Variants in CADM2 observed in about 807,000 individuals in gnomAD.
CADM2 encodes the protein immunoglobulin superfamily member 4D.
In CADM2, 12 loss-of-function variants were observed where a neutral mutation model predicts 49.8. The ratio of observed to expected loss-of-function variants is 0.24; its 90% CI spans 0.15 to 0.39. The LOEUF (loss-of-function observed/expected upper bound fraction) is 0.39. Ranked by LOEUF, CADM2 falls within the 10% of genes least tolerant of loss-of-function variation. The pLI is 1.00. For synonymous variants in CADM2, 214 were observed against 175.4 expected (o/e 1.22, Z -1.74); for missense variants, 378 against 492.3 (o/e 0.77, Z 2.20).
chr3:85,099,090 A>G (rs1396165065), intron 1 of CADM2, among the ~76,000 whole-genome samples: 1 of 152,176 alleles, frequency 6.6e-6, no homozygotes, highest in Non-Finnish European at 1.5e-5. Context: ...TGTATACACC[A>G]TTTTTATCCT....
chr3:85,646,719 C>T (rs979185142), intron 1 of CADM2, among the ~76,000 whole-genome samples: 8 of 151,844 alleles, frequency 5.3e-5, no homozygotes, highest in Admixed American at 3.3e-4. Context: ...CTTCTCAAAT[C>T]GCAGCATAGA....
At chr3:85,620,017 T>C (rs1559947369) in intron 1 of CADM2, among the ~76,000 whole-genome samples, 1 of 152,178 alleles carries the variant, frequency 6.6e-6, no homozygotes, top group Non-Finnish European at 1.5e-5. Flanking sequence ...GTGATAGTTA[T>C]GCTCAAAACA....
At chr3:85,650,394 T>C (rs1023652340) in intron 1 of CADM2, among the ~76,000 whole-genome samples, 5 of 152,012 alleles carry the variant, frequency 3.3e-5, no homozygotes, top group African/African-American at 9.7e-5. Flanking sequence ...CGTGATATCA[T>C]ATTAAATGAA....
intron 1 of CADM2, among the ~76,000 whole-genome samples, chr3:85,631,795 A>G (rs2064316919): frequency 1.3e-5 from 2 of 152,240 alleles, no homozygotes; most frequent in African/African-American, 4.8e-5. Flanking sequence ...AGGCTTTGGA[A>G]CAATCAATAT....
intron 7 of CADM2, among the ~76,000 whole-genome samples, chr3:85,940,020 CA>C (rs1721670368): frequency 1.4e-5 from 1 of 70,904 alleles, no homozygotes. Context: ...TTTTTAACAA[CA>C]ACAAAAAAAA....
chr3:85,416,360 T>A (rs1313127866), intron 1 of CADM2, among the ~76,000 whole-genome samples: 1 of 152,122 alleles, frequency 6.6e-6, no homozygotes, highest in Non-Finnish European at 1.5e-5. Context: ...AATAACAAGA[T>A]CTTTTAGTTA....
intron 3 of CADM2, among the ~76,000 whole-genome samples, chr3:85,839,529 C>T (rs1559693721): frequency 4.6e-5 from 7 of 151,766 alleles, no homozygotes; most frequent in Non-Finnish European, 1.5e-5. Context: ...ACTAGCTACT[C>T]TGCTGCCTAC....
intron 1 of CADM2, among the ~76,000 whole-genome samples, chr3:85,339,279 A>T (rs2107185789): frequency 6.6e-6 from 1 of 151,668 alleles, no homozygotes; most frequent in African/African-American, 2.4e-5. Context: ...GTGTTTAAAT[A>T]ATAAAAGTAT....
rs186091055 is a variant in CADM2, at chr3:85,986,539, G to A, written c.970+24892G>A. Among the ~76,000 whole-genome samples, 11 of 151,974 alleles carry A rather than the reference G, an allele frequency of 7.2e-5. No homozygotes were observed. In the East Asian group the frequency reaches 2.1e-3, roughly 29 times the overall value. ...TAAAAATTAAGTGTCAATATGTTGGGGTTTCTTTTCTTGACAAAAATTAAG... is the reference window on the plus strand; with the variant it reads ...TAAAAATTAAGTGTCAATATGTTGGAGTTTCTTTTCTTGACAAAAATTAAG... On this transcript the variant is annotated intron_variant, in intron 8 of 9. Transcript: ENST00000383699.
At chr3:86,012,090 G>A (rs550232936) in intron 8 of CADM2, among the ~76,000 whole-genome samples, 62 of 151,954 alleles carry the variant, frequency 4.1e-4, no homozygotes, top group Non-Finnish European at 6.6e-4. Context: ...TTGTGACTCC[G>A]TAAGGGACAT....
chr3:85,955,019 A>G (rs1199790422), intron 7 of CADM2, among the ~76,000 whole-genome samples: 1 of 151,384 alleles, frequency 6.6e-6, no homozygotes, highest in Non-Finnish European at 1.5e-5. Flanking sequence ...CTAAACTGAA[A>G]TAAAGCCAGT....
At chr3:85,370,773 T>G (rs985679602) in intron 1 of CADM2, among the ~76,000 whole-genome samples, 3 of 152,116 alleles carry the variant, frequency 2.0e-5, no homozygotes, top group Non-Finnish European at 4.4e-5. Context: ...AAGAAGAGAT[T>G]GTTATCATAG....
chr3:85,078,645 T>A (rs765179060), intron 1 of CADM2, among the ~76,000 whole-genome samples: 1 of 151,838 alleles, frequency 6.6e-6, no homozygotes, highest in Non-Finnish European at 1.5e-5. Flanking sequence ...AAGATCATAG[T>A]GAATAGATGT....
intron 1 of CADM2, among the ~76,000 whole-genome samples, chr3:85,407,552 T>C (rs1293185445): frequency 1.3e-5 from 2 of 152,178 alleles, no homozygotes; most frequent in African/African-American, 4.8e-5. Context: ...AAAACAACTC[T>C]GTTCCCTTTA....
intron 1 of CADM2, among the ~76,000 whole-genome samples, chr3:85,178,459 C>CT (rs1332957209): frequency 1.3e-5 from 2 of 151,534 alleles, no homozygotes; most frequent in African/African-American, 4.8e-5. Flanking sequence ...CATTTAAAGC[C>CT]TATTAGTCTC....
intron 1 of CADM2, among the ~76,000 whole-genome samples, chr3:85,309,237 C>T (rs2044285800): frequency 1.3e-5 from 2 of 152,088 alleles, no homozygotes; most frequent in South Asian, 4.1e-4. Flanking sequence ...TCTCTGAAGA[C>T]CTGAGATGAA....
chr3:84,959,715 C>T, intron 1 of CADM2, 47 bp downstream of exon 1: 1 of 1,486,666 alleles, frequency 6.7e-7, no homozygotes, highest in Non-Finnish European at 9.1e-7. Flanking sequence ...CGCCCATTCC[C>T]CATCTTCCCC....
intron 1 of CADM2, among the ~76,000 whole-genome samples, chr3:85,074,198 C>T (rs2036859403): frequency 1.3e-5 from 2 of 152,094 alleles, no homozygotes; most frequent in African/African-American, 4.8e-5. Flanking sequence ...GCCTTAAACC[C>T]TCCACATACT....
chr3:85,796,891 T>C (rs1164729847), intron 2 of CADM2, among the ~76,000 whole-genome samples: 1 of 151,876 alleles, frequency 6.6e-6, no homozygotes, highest in Non-Finnish European at 1.5e-5. Flanking sequence ...GGTCAAGAGA[T>C]CAAGACCATC....
Sources: allele counts gnomAD v4.1 joint callset (sites outside exome capture counted in the v4.1 genomes callset), GRCh38; gene constraint gnomAD v4.1.1; transcripts MANE v1.5; gene names NCBI Gene and HGNC (gene_info 2026-07-23, HGNC 2026-07-21).